ZBTB46: variants seen among roughly 807,000 people sequenced by gnomAD.
The protein encoded by ZBTB46 is zinc finger and BTB domain-containing protein 46.
Under a neutral mutation model 44.1 loss-of-function variants are expected in ZBTB46, and 8 were observed. That is an observed-to-expected ratio of 0.18 (90% CI 0.11 to 0.33). The LOEUF (loss-of-function observed/expected upper bound fraction) is 0.33, where lower values mean the gene tolerates loss of function less well. Ranked by LOEUF, ZBTB46 falls within the 10% of genes least tolerant of loss-of-function variation. The pLI, the probability that ZBTB46 is intolerant of heterozygous loss-of-function variation, is 1.00. For synonymous variants in ZBTB46, 409 were observed against 382.3 expected (o/e 1.07, Z -0.81); for missense variants, 651 against 847.7 (o/e 0.77, Z 2.88).
At chr20:63,763,613 C>T (rs2092295135) in intron 3 of ZBTB46, among the ~76,000 whole-genome samples, 1 of 152,150 alleles carries the variant, frequency 6.6e-6, no homozygotes, top group Admixed American at 6.5e-5. Context: ...GGGGAGGGAG[C>T]TAAATCATCC....
At chr20:63,823,057 C>T (rs971652209) in intron 1 of ZBTB46, among the ~76,000 whole-genome samples, 1 of 122,754 alleles carries the variant, frequency 8.1e-6, no homozygotes, top group African/African-American at 3.4e-5. Context: ...CCCAGTTACT[C>T]AGGAGGCTGA....
At chr20:63,802,914 C>T (rs537336334) in intron 1 of ZBTB46, among the ~76,000 whole-genome samples, 18 of 152,336 alleles carry the variant, frequency 1.2e-4, no homozygotes, top group East Asian at 3.9e-4. Context: ...CTCAGACCTC[C>T]GGCCTCCAGG....
At chr20:63,824,532 T>A (rs968750116) in intron 1 of ZBTB46, among the ~76,000 whole-genome samples, 1 of 152,034 alleles carries the variant, frequency 6.6e-6, no homozygotes, top group African/African-American at 2.4e-5. Flanking sequence ...ACCACGCCCT[T>A]TTTCCTGAAA....
At chr20:63,815,161 G>A (rs1601529796) in intron 1 of ZBTB46, 1 of 234,174 alleles carries the variant, frequency 4.3e-6, no homozygotes, top group East Asian at 1.4e-4. Flanking sequence ...AGTCTGAGCT[G>A]AAGGCACAGG....
chr20:63,798,738 G>T (rs1467431226), intron 1 of ZBTB46, among the ~76,000 whole-genome samples: 1 of 145,966 alleles, frequency 6.9e-6, no homozygotes, highest in African/African-American at 2.5e-5. Context: ...CAGCTACTAA[G>T]GAGGCTGAGG....
chr20:63,770,125 G>A (rs1041667765), intron 3 of ZBTB46, among the ~76,000 whole-genome samples: 22 of 152,370 alleles, frequency 1.4e-4, no homozygotes, highest in Middle Eastern at 6.8e-3. Context: ...TTCCGGGCAC[G>A]GCTGATGCGG....
rs1021211172 is a variant in ZBTB46, at chr20:63,786,677, A to G, written c.937+3144T>C. Among the ~76,000 whole-genome samples the G allele has an allele frequency of 3.3e-5, 5 of 151,990 alleles. 1 individual carries two copies. The highest frequency in any genetic ancestry group is 2.0e-4 in the Admixed American group (3 of 15,240). ...CAGGCGCGCACCACCACGCCCAGCT[A>G]ACTTTTGTATATTTAGTAGAGACGG... On this transcript the variant is annotated intron_variant, in intron 2 of 4. Coordinates refer to ENST00000245663, the MANE Select transcript of ZBTB46 (RefSeq NM_001369741.1).
At position 63,750,550 on chromosome 20, in the gene ZBTB46, A is replaced by T. The variant is rs116157655; in HGVS notation, c.1398+2136T>A. ...CACCACACTTGGCTTTCCATATGTT[A>T]TAAGTACATTTTCCAGGGAATTATG... On this transcript the variant is annotated intron_variant, in intron 4 of 4. Transcript: ENST00000245663. Among the ~76,000 whole-genome samples, 424 of 152,152 alleles carry T rather than the reference A, an allele frequency of 2.8e-3. 1 individual carries two copies. The highest frequency in any genetic ancestry group is 9.6e-3 in the African/African-American group (400 of 41,498).
At chr20:63,802,523 G>A (rs1163681292) in intron 1 of ZBTB46, among the ~76,000 whole-genome samples, 2 of 152,070 alleles carry the variant, frequency 1.3e-5, no homozygotes, top group African/African-American at 4.8e-5. Flanking sequence ...CGGCAGCGGC[G>A]GAGGCCCCGG....
chr20:63,793,979 G>A (rs1364975576), intron 1 of ZBTB46, among the ~76,000 whole-genome samples: 14 of 152,244 alleles, frequency 9.2e-5, no homozygotes, highest in Non-Finnish European at 1.5e-5. Flanking sequence ...GAGGTCAGGA[G>A]ATCGAGACCA....
chr20:63,782,096 A>AAAAACAAAAAAG, intron 2 of ZBTB46, among the ~76,000 whole-genome samples: 1 of 124,924 alleles, frequency 8.0e-6, no homozygotes, highest in East Asian at 2.3e-4. Flanking sequence ...CAAAAAAAAA[A>AAAAACAAAAAAG]AAAAGAAAAG....
chr20:63,816,100 G>GGTGCAGGT, intron 1 of ZBTB46, among the ~76,000 whole-genome samples: 1 of 147,576 alleles, frequency 6.8e-6, no homozygotes, highest in African/African-American at 2.5e-5. Flanking sequence ...AGGTGCAGTG[G>GGTGCAGGT]GCGCAGGTGC....
At chr20:63,782,860 T>C (rs1343632108) in intron 2 of ZBTB46, among the ~76,000 whole-genome samples, 2 of 152,344 alleles carry the variant, frequency 1.3e-5, no homozygotes, top group East Asian at 3.9e-4. Flanking sequence ...CCCAGCACCA[T>C]GGGAGGCCCA....
rs1362765199 is a variant in ZBTB46 at position 63,743,980 on chromosome 20, T to C, written c.*2950A>G. ...AATCAACAATCTTCAAACACTGCCCTTTTTTTGTGTGTTTTGTTTTTGTTG... is the reference window on the plus strand; with the variant it reads ...AATCAACAATCTTCAAACACTGCCCCTTTTTTGTGTGTTTTGTTTTTGTTG... On this transcript the variant is annotated 3_prime_UTR_variant, in exon 5 of 5. Coordinates refer to ENST00000245663, the MANE Select transcript of ZBTB46 (RefSeq NM_001369741.1). 1 of 152,418 alleles carries C rather than the reference T, an allele frequency of 6.6e-6. No homozygotes were observed. The highest frequency in any genetic ancestry group is 6.6e-5 in the Admixed American group (1 of 15,266). 9.4% of individuals were successfully genotyped at this position (152,418 alleles called of 1,614,324 possible). A position where few individuals can be genotyped will look rare whatever the true frequency, so the allele number is the denominator to read the frequency against.
At position 63,787,814 on chromosome 20, in the gene ZBTB46, AT is replaced by A. The variant is rs1486107789; in HGVS notation, c.937+2006del. 1 of 152,244 alleles carries A rather than the reference AT, an allele frequency of 6.6e-6. No individual in the cohort carries two copies. Among genetic ancestry groups the A allele is most frequent in the Non-Finnish European group, 1.5e-5 (1 of 68,050 alleles). 9.4% of individuals were successfully genotyped at this position (152,244 alleles called of 1,614,324 possible). A position where few individuals can be genotyped will look rare whatever the true frequency, so the allele number is the denominator to read the frequency against. ...CTACCACAATGATAAAAGTTAACGT[AT>A]TATCGAGCTGTGTTCACTCCCGGCT... On this transcript the variant is annotated intron_variant, in intron 2 of 4. Transcript: ENST00000245663. The surrounding 1 kb of genome is among the most constrained non-coding windows in gnomAD (Gnocchi z 4.6).
chr20:63,806,485 C>G (rs1206916641), intron 1 of ZBTB46, among the ~76,000 whole-genome samples: 4 of 151,470 alleles, frequency 2.6e-5, no homozygotes, highest in Non-Finnish European at 5.9e-5. Context: ...CATTTTAAAT[C>G]TGAGATACTG....
intron 1 of ZBTB46, among the ~76,000 whole-genome samples, chr20:63,804,146 C>CA (rs2092666944): frequency 6.6e-6 from 1 of 152,020 alleles, no homozygotes; most frequent in Non-Finnish European, 1.5e-5. Flanking sequence ...GAGGGGCTTC[C>CA]ACTCCCACCT....
chr20:63,752,975 G>C lies in ZBTB46; in HGVS notation c.1223-114C>G. The C allele has an allele frequency of 8.4e-7, 1 of 1,184,316 alleles. No homozygotes were observed. Among genetic ancestry groups the C allele is most frequent in the Non-Finnish European group, 1.2e-6 (1 of 863,328 alleles). 73.4% of individuals were successfully genotyped at this position (1,184,316 alleles called of 1,614,324 possible). A position where few individuals can be genotyped will look rare whatever the true frequency, so the allele number is the denominator to read the frequency against. ...CAGCCAGGACGGGCTGTCTCCCACG[G>C]CCACCCACTGGGGGCTGGTCAGCAC... On this transcript the variant is annotated intron_variant, in intron 3 of 4. Coordinates refer to ENST00000245663, the MANE Select transcript of ZBTB46 (RefSeq NM_001369741.1). The surrounding 1 kb of genome is among the most constrained non-coding windows in gnomAD (Gnocchi z 5.6).
chr20:63,789,780 C>T (rs1193860269), intron 2 of ZBTB46, 41 bp downstream of exon 2: 1 of 1,571,996 alleles, frequency 6.4e-7, no homozygotes, highest in East Asian at 2.2e-5. Flanking sequence ...GGCCTGGACA[C>T]ACTGGGGCAG....
Sources: allele counts gnomAD v4.1 joint callset (sites outside exome capture counted in the v4.1 genomes callset), GRCh38; gene constraint gnomAD v4.1.1; non-coding constraint Gnocchi (gnomAD v3.1); transcripts MANE v1.5; gene names NCBI Gene and HGNC (gene_info 2026-07-23, HGNC 2026-07-21).